MED28: variants seen among roughly 807,000 people sequenced by gnomAD.
MED28 encodes mediator of RNA polymerase II transcription subunit 28.
MED28 carries 26 observed loss-of-function variants against 21.3 expected under a neutral mutation model. The ratio of observed to expected loss-of-function variants is 1.22; its 90% CI spans 0.89 to 1.69. The LOEUF is 1.69. Among genes scored for constraint, MED28 ranks in the 40% most tolerant of loss-of-function variants. MED28 has a pLI of 0.00. For synonymous variants in MED28, 110 were observed against 87.6 expected, an observed-to-expected ratio of 1.26 and a Z score of -1.43; for missense variants, 257 against 215.4, an observed-to-expected ratio of 1.19 and a Z score of -1.21.
At position 17,621,651 on chromosome 4, in the gene MED28, A is replaced by G; in HGVS notation, c.291A>G (p.Gln97=). 6.2e-7 allele frequency: 1 copy of G among 1,611,340 alleles called. No individual in the cohort carries two copies. The highest frequency in any genetic ancestry group is 1.1e-5 in the South Asian group (1 of 89,338). ...GACAGACAGAATGTTTTTTCTTACA[A>G]AAAAGATTGCAGTTATCTGTCCAGA... ...IARQTECFFL[Q]KRLQLSVQKP... The change falls in exon 3 of 4, where the codon CAA becomes CAG. Residue 97 remains glutamine, a synonymous_variant. Coordinates refer to ENST00000237380, the MANE Select transcript of MED28 (RefSeq NM_025205.5).
At position 17,634,010 on chromosome 4, in the gene MED28, T is replaced by G. The variant is rs1304354116; in HGVS notation, c.*10212T>G. On this transcript the variant is annotated 3_prime_UTR_variant, in exon 4 of 4. Coordinates refer to ENST00000237380, the MANE Select transcript of MED28 (RefSeq NM_025205.5). ...ATCGGAGAAGAAGCAACAATTTCAT[T>G]TATACACTTACATGCTATTTTTTAA... is the stretch of plus-strand genomic sequence containing the variant. 12 of 694,746 alleles carry G rather than the reference T, an allele frequency of 1.7e-5. No homozygotes were observed. The highest frequency in any genetic ancestry group is 2.6e-5 in the Non-Finnish European group (12 of 470,058). The allele number at this position is 694,746 out of a possible 1,614,324, so 43.0% of individuals were successfully genotyped here. A position where few individuals can be genotyped will look rare whatever the true frequency, so the allele number is the denominator to read the frequency against.
In MED28 at chr4:17,634,043, T is replaced by C. The variant is rs534442383; in HGVS notation, c.*10245T>C. The C allele has an allele frequency of 3.9e-6, 2 of 518,642 alleles. No individual in the cohort carries two copies. The highest frequency in any genetic ancestry group is 4.9e-5 in the South Asian group (1 of 20,608). 32.1% of individuals were successfully genotyped at this position (518,642 alleles called of 1,614,324 possible). On this transcript the variant is annotated 3_prime_UTR_variant, in exon 4 of 4. Transcript: ENST00000237380. ...TTACATGCTATTTTTTAAAGCACTT[T>C]TCCCTCCAATCTTCATTTTGTATTA...
At chr4:17,619,795 G>C in intron 1 of MED28, 106 bp from the exon 2 acceptor site, 1 of 910,280 alleles carries the variant, frequency 1.1e-6, no homozygotes, top group Non-Finnish European at 1.8e-6. Context: ...AAACACAGAT[G>C]CTGCCACCTC....
chr4:17,623,830 G>T lies in MED28; in HGVS notation c.*32G>T. On this transcript the variant is annotated 3_prime_UTR_variant, in exon 4 of 4. Transcript: ENST00000237380. ...GGCAGAGGCAGTTGGCCTATGAGTG[G>T]GCTGATGCGTGAGGTTGGCCACACA... is the stretch of plus-strand genomic sequence containing the variant. The T allele has an allele frequency of 6.3e-7, 1 of 1,592,280 alleles. No individual in the cohort carries two copies. Among genetic ancestry groups the T allele is most frequent in the South Asian group, 1.1e-5 (1 of 89,174 alleles).
At chr4:17,618,190 G>A (rs998544464) in intron 1 of MED28, among the ~76,000 whole-genome samples, 2 of 151,584 alleles carry the variant, frequency 1.3e-5, no homozygotes, top group Admixed American at 1.3e-4. Context: ...TTTTGTTTTT[G>A]TAGAGACAGG....
chr4:17,622,271 C>A (rs1168107771), intron 3 of MED28, among the ~76,000 whole-genome samples: 1 of 152,110 alleles, frequency 6.6e-6, no homozygotes, highest in Non-Finnish European at 1.5e-5. Context: ...ATCATCCTGC[C>A]CAAAAAGCCG....
chr4:17,630,186 A>C lies in MED28; in HGVS notation c.*6388A>C, dbSNP rs1042732277. ...GCCTGGGAAAGTGTTTCAACACACAAAAATAGAACCACCTGTATGTAGTCT... is the reference window on the plus strand; with the variant it reads ...GCCTGGGAAAGTGTTTCAACACACACAAATAGAACCACCTGTATGTAGTCT... On this transcript the variant is annotated 3_prime_UTR_variant, in exon 4 of 4. Coordinates refer to ENST00000237380, the MANE Select transcript of MED28 (RefSeq NM_025205.5). 2 of 152,194 alleles carry C rather than the reference A, an allele frequency of 1.3e-5. No homozygotes were observed. Among genetic ancestry groups the C allele is most frequent in the Non-Finnish European group, 2.9e-5 (2 of 68,018 alleles). 9.4% of individuals were successfully genotyped at this position (152,194 alleles called of 1,614,324 possible).
At chr4:17,615,247 TA>T (rs1352447546) in intron 1 of MED28, among the ~76,000 whole-genome samples, 1 of 152,186 alleles carries the variant, frequency 6.6e-6, no homozygotes, top group African/African-American at 2.4e-5. Flanking sequence ...GAAATTGACT[TA>T]AGTTACCAGG....
chr4:17,621,596 A>G lies in MED28; in HGVS notation c.236A>G (p.Gln79Arg). 1 of 1,577,270 alleles carries G rather than the reference A, an allele frequency of 6.3e-7. No individual in the cohort carries two copies. The highest frequency in any genetic ancestry group is 8.6e-7 in the Non-Finnish European group (1 of 1,165,750). ...TTCCTTTTTTTTTAAGGTGTTGATC[A>G]GTGTATCCAGAAGTTTCTGGATATT... ...DQEEIRTGVD[Q>R]CIQKFLDIAR... Residue 79 changes from glutamine (Q) to arginine (R), a missense_variant, in exon 3 of 4, where the codon CAG becomes CGG. Physicochemically the swap from Gln to Arg is conservative, Grantham distance 43. Transcript: ENST00000237380.
intron 1 of MED28, 103 bp from the exon 2 acceptor site, chr4:17,619,798 G>A (rs890282201): frequency 7.1e-5 from 67 of 941,570 alleles, no homozygotes; most frequent in Non-Finnish European, 1.0e-4. Context: ...CACAGATGCT[G>A]CCACCTCATC....
At position 17,629,163 on chromosome 4, in the gene MED28, G is replaced by A. The variant is rs1205841124; in HGVS notation, c.*5365G>A. On this transcript the variant is annotated 3_prime_UTR_variant, in exon 4 of 4. Coordinates refer to ENST00000237380, the MANE Select transcript of MED28 (RefSeq NM_025205.5). ...CAGGAGAATCGCTTGAACCCGGGAG[G>A]CCGAGGTTGCAGTGAGCTGAGATGG... The A allele has an allele frequency of 2.6e-5, 4 of 152,508 alleles. No individual in the cohort carries two copies. Among genetic ancestry groups the A allele is most frequent in the Non-Finnish European group, 5.9e-5 (4 of 68,292 alleles). 9.4% of individuals were successfully genotyped at this position (152,508 alleles called of 1,614,324 possible). A position where few individuals can be genotyped will look rare whatever the true frequency, so the allele number is the denominator to read the frequency against.
intron 2 of MED28, among the ~76,000 whole-genome samples, chr4:17,620,631 C>T (rs1052143863): frequency 2.0e-5 from 3 of 151,708 alleles, no homozygotes; most frequent in Non-Finnish European, 2.9e-5. Context: ...CCGTGCCCGG[C>T]CTTATATGTG....
rs1714937937 is a variant in MED28 at position 17,631,421 on chromosome 4, TC to T, written c.*7626del. 6.6e-6 allele frequency: 1 copy of T among 152,208 alleles called. No individual in the cohort carries two copies. The highest frequency in any genetic ancestry group is 2.4e-5 in the African/African-American group (1 of 41,408). 9.4% of individuals were successfully genotyped at this position (152,208 alleles called of 1,614,324 possible). On this transcript the variant is annotated 3_prime_UTR_variant, in exon 4 of 4. Coordinates refer to ENST00000237380, the MANE Select transcript of MED28 (RefSeq NM_025205.5). ...CTCAAGCTCTCCTCCCATCTCAGCC[TC>T]CCAAAGTGTTGGGATTACAGGCATG...
chr4:17,629,071 C>G lies in MED28; in HGVS notation c.*5273C>G, dbSNP rs150510047. The G allele has an allele frequency of 0.014, 2,154 of 152,372 alleles. 21 individuals carry two copies. The highest frequency in any genetic ancestry group is 0.024 in the Middle Eastern group (7 of 294). The allele number at this position is 152,372 out of a possible 1,614,324, so 9.4% of individuals were successfully genotyped here. On this transcript the variant is annotated 3_prime_UTR_variant, in exon 4 of 4. Transcript: ENST00000237380. ...TGGCCAACATGGTGAAACCCTGTCTCTACTAAAAATACATTAATTAGCATG... is the reference window on the plus strand; with the variant it reads ...TGGCCAACATGGTGAAACCCTGTCTGTACTAAAAATACATTAATTAGCATG...
chr4:17,620,187 G>A, intron 2 of MED28: 2 of 546,312 alleles, frequency 3.7e-6, no homozygotes, highest in Non-Finnish European at 6.6e-6. Flanking sequence ...TTTCGTATTC[G>A]TACTAGGTAA....
At position 17,633,864 on chromosome 4, in the gene MED28, T is replaced by G. The variant is rs1464387513; in HGVS notation, c.*10066T>G. On this transcript the variant is annotated 3_prime_UTR_variant, in exon 4 of 4. Transcript: ENST00000237380. Reference sequence around the variant, plus strand: ...AGGTTCGGCACGCTGACCACGCGGCTGGGCACGTCCTCCACCTTCTTTTTC... The same window carrying G: ...AGGTTCGGCACGCTGACCACGCGGCGGGGCACGTCCTCCACCTTCTTTTTC... The G allele has an allele frequency of 6.4e-7, 1 of 1,550,608 alleles. No homozygotes were observed. The highest frequency in any genetic ancestry group is 8.7e-7 in the Non-Finnish European group (1 of 1,146,536).
rs940005989 is a variant in MED28 at position 17,629,757 on chromosome 4, A to G, written c.*5959A>G. 1.3e-5 allele frequency: 2 copies of G among 152,224 alleles called. No individual in the cohort carries two copies. The highest frequency in any genetic ancestry group is 6.5e-5 in the Admixed American group (1 of 15,284). The allele number at this position is 152,224 out of a possible 1,614,324, so 9.4% of individuals were successfully genotyped here. On this transcript the variant is annotated 3_prime_UTR_variant, in exon 4 of 4. Transcript: ENST00000237380. ...CTGCTGTTGAGAGATTGATGGAATC[A>G]TTATGCAAACTAAAATAGAATGTTT...
chr4:17,624,015 A>ATT lies in MED28; in HGVS notation c.*226_*227dup. Reference sequence around the variant, plus strand: ...TGTAGCTTGGATAAACCAAGTAAGTATTTTTTTTTTGTCTTTAGCAAAGTT... The same window carrying ATT: ...TGTAGCTTGGATAAACCAAGTAAGTATTTTTTTTTTTTGTCTTTAGCAAAGTT... On this transcript the variant is annotated 3_prime_UTR_variant, in exon 4 of 4. Transcript: ENST00000237380. The ATT allele has an allele frequency of 3.2e-5, 15 of 461,774 alleles. No homozygotes were observed. Among genetic ancestry groups the ATT allele is most frequent in the South Asian group, 1.9e-4 (6 of 31,500 alleles). 28.6% of individuals were successfully genotyped at this position (461,774 alleles called of 1,614,324 possible).
Position 17,633,849 on chromosome 4 carries a change from C to A in MED28, c.*10051C>A, listed in dbSNP as rs569401398. 12 of 1,551,194 alleles carry A rather than the reference C, an allele frequency of 7.7e-6. No individual in the cohort carries two copies. The highest frequency in any genetic ancestry group is 1.0e-5 in the Non-Finnish European group (12 of 1,146,834). On this transcript the variant is annotated 3_prime_UTR_variant, in exon 4 of 4. Transcript: ENST00000237380. ...TTTGCATAGGAGGCGAGGTTCGGCA[C>A]GCTGACCACGCGGCTGGGCACGTCC...
Sources: allele counts gnomAD v4.1 joint callset (sites outside exome capture counted in the v4.1 genomes callset), GRCh38; gene constraint gnomAD v4.1.1; transcripts MANE v1.5; gene names NCBI Gene and HGNC (gene_info 2026-07-23, HGNC 2026-07-21).